The following PLSCR2 variants were observed in gnomAD, a reference collection of about 807,000 sequenced individuals.
PLSCR2 encodes PL scramblase 2.
In PLSCR2, 18 loss-of-function variants were observed where a neutral mutation model predicts 25.3. That is an observed-to-expected ratio of 0.71 (90% CI 0.49 to 1.06). PLSCR2 has a LOEUF of 1.06. Ranked by LOEUF, PLSCR2 falls within the 50% of genes least tolerant of loss-of-function variation. The pLI, the probability that PLSCR2 is intolerant of heterozygous loss-of-function variation, is 0.00. For missense variants in PLSCR2, 243 were observed against 269.5 expected, an observed-to-expected ratio of 0.90 and a Z score of 0.69; for synonymous variants, 88 against 87.3, an observed-to-expected ratio of 1.01 and a Z score of -0.04.
At chr3:146,492,996 C>CA (rs34684660) in intron 1 of PLSCR2, among the ~76,000 whole-genome samples, 48,791 of 149,996 alleles carry the variant, frequency 0.33, 7,891 homozygotes, top group South Asian at 0.4. Flanking sequence ...CACAGAAATA[C>CA]AAAAAAAAAG....
At chr3:146,405,882 A>G (rs548005722) in intron 2 of PLSCR2, among the ~76,000 whole-genome samples, 1 of 152,232 alleles carries the variant, frequency 6.6e-6, no homozygotes, top group Admixed American at 6.5e-5. Context: ...TTTTATTACT[A>G]AGAATGGTGG....
chr3:146,488,168 C>A (rs1001867332), intron 1 of PLSCR2, among the ~76,000 whole-genome samples: 1 of 151,956 alleles, frequency 6.6e-6, no homozygotes, highest in African/African-American at 2.4e-5. Flanking sequence ...ATATTTTACA[C>A]AAAAATTAAC....
At chr3:146,469,909 T>C (rs1044502671) in intron 1 of PLSCR2, among the ~76,000 whole-genome samples, 1 of 151,768 alleles carries the variant, frequency 6.6e-6, no homozygotes, top group African/African-American at 2.4e-5. Context: ...AGGGCACAGA[T>C]GAACTGGGAC....
At chr3:146,444,520 T>C (rs1471129786) in intron 6 of PLSCR2, among the ~76,000 whole-genome samples, 1 of 151,992 alleles carries the variant, frequency 6.6e-6, no homozygotes, top group Non-Finnish European at 1.5e-5. Flanking sequence ...CATAATGACT[T>C]TGTTGTCTCT....
downstream of PLSCR2, among the ~76,000 whole-genome samples, chr3:146,438,327 T>G (rs573286826): frequency 1.1e-4 from 16 of 152,190 alleles, no homozygotes; most frequent in East Asian, 3.1e-3. Context: ...CCTGGACATC[T>G]TTGTTAACTT....
chr3:146,452,377 TG>T (rs1243713663), intron 5 of PLSCR2, among the ~76,000 whole-genome samples: 2 of 152,210 alleles, frequency 1.3e-5, no homozygotes, highest in Non-Finnish European at 2.9e-5. Context: ...AATATTTATT[TG>T]CAGTGTAAAT....
chr3:146,397,609 G>A (rs749826856), intron 2 of PLSCR2, among the ~76,000 whole-genome samples: 25 of 152,012 alleles, frequency 1.6e-4, no homozygotes, highest in Admixed American at 5.9e-4. Flanking sequence ...AAATTGTTTC[G>A]CTTCAAACAG....
chr3:146,492,556 A>G (rs536922089), intron 1 of PLSCR2, among the ~76,000 whole-genome samples: 85 of 152,310 alleles, frequency 5.6e-4, no homozygotes, highest in Admixed American at 1.0e-3. Flanking sequence ...ACTTTTGGGT[A>G]AAGAATAAAA....
At chr3:146,492,392 C>T (rs530520280) in intron 1 of PLSCR2, among the ~76,000 whole-genome samples, 29 of 152,216 alleles carry the variant, frequency 1.9e-4, no homozygotes, top group African/African-American at 7.0e-4. Context: ...AGATCAACCA[C>T]ATACTTGTGC....
At chr3:146,450,751 A>G (rs1167992302) in intron 5 of PLSCR2, among the ~76,000 whole-genome samples, 1 of 152,246 alleles carries the variant, frequency 6.6e-6, no homozygotes, top group Admixed American at 6.5e-5. Flanking sequence ...AAATATTTAC[A>G]AAATAAAAAA....
chr3:146,449,249 T>A, exon 6 of PLSCR2: 1 of 1,613,280 alleles, frequency 6.2e-7, no homozygotes, highest in East Asian at 2.2e-5. Context: ...CATTTTAACA[T>A]CAAGGTCTCT....
At chr3:146,483,453 G>GTATATATATATA (rs1186980145) in intron 1 of PLSCR2, among the ~76,000 whole-genome samples, 4 of 32,688 alleles carry the variant, frequency 1.2e-4, no homozygotes, top group African/African-American at 5.6e-4. Context: ...ACACATGTAT[G>GTATATATATATA]TATATATATA....
At chr3:146,404,821 A>AAAGGGG (rs71158238) in intron 2 of PLSCR2, among the ~76,000 whole-genome samples, 18 of 124,690 alleles carry the variant, frequency 1.4e-4, no homozygotes, top group East Asian at 2.6e-4. Context: ...AAAAAAAAAA[A>AAAGGGG]GGGGGGGGGT....
intron 2 of PLSCR2, among the ~76,000 whole-genome samples, chr3:146,417,763 A>T (rs2039038077): frequency 6.6e-6 from 1 of 152,226 alleles, no homozygotes; most frequent in Non-Finnish European, 1.5e-5. Flanking sequence ...TGAAGAAATG[A>T]TAAATATTCA....
At chr3:146,487,101 A>G (rs1434414850) in intron 1 of PLSCR2, among the ~76,000 whole-genome samples, 1 of 152,050 alleles carries the variant, frequency 6.6e-6, no homozygotes, top group East Asian at 1.9e-4. Flanking sequence ...AAAGGCCTTC[A>G]ATACCATTCA....
intron 2 of PLSCR2, among the ~76,000 whole-genome samples, chr3:146,412,097 T>A (rs867789667): frequency 6.6e-6 from 1 of 152,140 alleles, no homozygotes; most frequent in African/African-American, 2.4e-5. Context: ...CAAGGCTAGA[T>A]GATTAAAGGA....
intron 2 of PLSCR2, among the ~76,000 whole-genome samples, chr3:146,406,621 G>A (rs1188608858): frequency 6.6e-6 from 1 of 152,186 alleles, no homozygotes. Flanking sequence ...GGCTTCACCT[G>A]ACTTAGGTGC....
At chr3:146,414,874 T>C (rs2038960361) in intron 2 of PLSCR2, among the ~76,000 whole-genome samples, 1 of 152,224 alleles carries the variant, frequency 6.6e-6, no homozygotes, top group African/African-American at 2.4e-5. Flanking sequence ...TACCTATGTT[T>C]AGCATACTAA....
intron 1 of PLSCR2, among the ~76,000 whole-genome samples, chr3:146,492,206 C>T (rs940668560): frequency 2.6e-5 from 4 of 152,228 alleles, no homozygotes; most frequent in South Asian, 2.1e-4. Context: ...CTCACTGCAT[C>T]GGAGAGGCTG....
Sources: gnomAD v4.1 joint callset for allele counts (sites outside exome capture counted in the v4.1 genomes callset) on GRCh38, gnomAD v4.1.1 for gene constraint, MANE v1.5 for transcripts, NCBI Gene and HGNC (gene_info 2026-07-23, HGNC 2026-07-21) for gene names.